The following RXYLT1 variants were observed in gnomAD, a reference collection of about 807,000 sequenced individuals.
The protein encoded by RXYLT1 is ribitol-5-phosphate xylosyltransferase 1.
RXYLT1 carries 41 observed loss-of-function variants against 43.5 expected under a neutral mutation model. The ratio of observed to expected loss-of-function variants is 0.94; its 90% CI spans 0.73 to 1.22. RXYLT1 has a LOEUF of 1.22. Ranked by LOEUF, RXYLT1 falls within the 50% of genes most tolerant of loss-of-function variation. The pLI, the probability that RXYLT1 is intolerant of heterozygous loss-of-function variation, is 0.00. For synonymous variants in RXYLT1, 166 were observed against 194.4 expected, an observed-to-expected ratio of 0.85 and a Z score of 1.21; for missense variants, 514 against 532.0, an observed-to-expected ratio of 0.97 and a Z score of 0.33.
chr12:63,785,470 T>C (rs1019336367), intron 3 of RXYLT1: 1 of 152,292 alleles, frequency 6.6e-6, no homozygotes, highest in African/African-American at 2.4e-5. Context: ...TTAAAATATT[T>C]AGGTGATATC....
Position 63,797,332 on chromosome 12 carries a change from G to A in RXYLT1, c.429-4759G>A, listed in dbSNP as rs138683357. Reference sequence around the variant, plus strand: ...ATATGCATACTCTACCATGTTTATTGTTATGGAAATACAGAAGAAAGGCAA... The same window carrying A: ...ATATGCATACTCTACCATGTTTATTATTATGGAAATACAGAAGAAAGGCAA... On this transcript the variant is annotated intron_variant, in intron 3 of 5. Coordinates refer to ENST00000261234, the MANE Select transcript of RXYLT1 (RefSeq NM_014254.3). 2.0e-5 allele frequency among the ~76,000 whole-genome samples: 3 copies of A among 151,804 alleles called. No individual in the cohort carries two copies. In the East Asian group the frequency reaches 5.8e-4, roughly 29 times the overall value.
intron 3 of RXYLT1, among the ~76,000 whole-genome samples, chr12:63,792,417 G>T (rs1897937104): frequency 6.6e-6 from 1 of 152,202 alleles, no homozygotes; most frequent in Non-Finnish European, 1.5e-5. Flanking sequence ...TCAACATAAA[G>T]AAATGAGAAA....
At chr12:63,780,517 C>A in intron 1 of RXYLT1, 1 of 1,050,206 alleles carries the variant, frequency 9.5e-7, no homozygotes, top group Non-Finnish European at 1.1e-6. Context: ...CCTGCAGTGA[C>A]CATAAGGCAG....
chr12:63,799,302 CTTTTT>C (rs11312130), intron 3 of RXYLT1, among the ~76,000 whole-genome samples: 4 of 71,634 alleles, frequency 5.6e-5, no homozygotes, highest in Admixed American at 3.4e-4. Flanking sequence ...CTTTTCTTTT[CTTTTT>C]TTTTTTTTTT....
intron 4 of RXYLT1, among the ~76,000 whole-genome samples, chr12:63,803,294 T>G (rs763645067): frequency 6.6e-6 from 1 of 151,606 alleles, no homozygotes; most frequent in Non-Finnish European, 1.5e-5. Flanking sequence ...TAAGAGCAAG[T>G]TGACTTTAAG....
At chr12:63,791,907 A>T (rs1897926323) in intron 3 of RXYLT1, among the ~76,000 whole-genome samples, 1 of 152,260 alleles carries the variant, frequency 6.6e-6, no homozygotes, top group Admixed American at 6.5e-5. Context: ...ATTATAACAA[A>T]TAACATCTAA....
intron 3 of RXYLT1, among the ~76,000 whole-genome samples, chr12:63,799,024 A>G: frequency 6.6e-6 from 1 of 152,198 alleles, no homozygotes; most frequent in Non-Finnish European, 1.5e-5. Context: ...AAAAATTTAC[A>G]GGAACACTAA....
chr12:63,788,995 C>T (rs1651169952), intron 3 of RXYLT1, among the ~76,000 whole-genome samples: 1 of 152,104 alleles, frequency 6.6e-6, no homozygotes, highest in South Asian at 2.1e-4. Context: ...CAGCCTGAAG[C>T]CATGGCTTTT....
chr12:63,784,864 G>A (rs1897765034), intron 2 of RXYLT1, 106 bp from the exon 3 acceptor site: 7 of 936,756 alleles, frequency 7.5e-6, no homozygotes, highest in Non-Finnish European at 1.1e-5. Flanking sequence ...AGGCATTCTG[G>A]TTTTATAGTC....
rs994326068 is a variant in RXYLT1, at chr12:63,779,909, C to T, written c.-52C>T. On this transcript the variant is annotated 5_prime_UTR_variant, in exon 1 of 6. Coordinates refer to ENST00000261234, the MANE Select transcript of RXYLT1 (RefSeq NM_014254.3). ...TCGGACGCCGCCGGTGTCGCGGATT[C>T]TCTTTCCGCCCGCTCCATGGCGGTG... 3.9e-5 allele frequency: 63 copies of T among 1,604,138 alleles called. No individual in the cohort carries two copies. Among genetic ancestry groups the T allele is most frequent in the Non-Finnish European group, 5.1e-5 (60 of 1,178,220 alleles).
At chr12:63,785,917 T>C (rs569810341) in intron 3 of RXYLT1, among the ~76,000 whole-genome samples, 31 of 152,250 alleles carry the variant, frequency 2.0e-4, no homozygotes, top group African/African-American at 7.0e-4. Flanking sequence ...ATTCTTTATT[T>C]ACTTTATATA....
rs1368363365 is a variant in RXYLT1 at position 63,781,121 on chromosome 12, C to G, written c.272C>G (p.Ser91Cys). Residue 91 changes from serine to cysteine, a missense_variant, in exon 2 of 6, where the codon TCC becomes TGC. Transcript: ENST00000261234. Reference protein sequence around the residue: ...FKTSLQILDKSTKGKTDLSVQ... With the variant: ...FKTSLQILDKCTKGKTDLSVQ... Reference sequence around the variant, plus strand: ...ACTAGCCTTCAAATATTAGATAAATCCACGAAAGGAAAAACAGATCTCAGT... The same window carrying G: ...ACTAGCCTTCAAATATTAGATAAATGCACGAAAGGAAAAACAGATCTCAGT... 2.5e-6 allele frequency: 4 copies of G among 1,607,024 alleles called. No homozygotes were observed. Among genetic ancestry groups the G allele is most frequent in the African/African-American group, 1.3e-5 (1 of 74,622 alleles).
intron 1 of RXYLT1, 104 bp downstream of exon 1, chr12:63,780,233 C>G: frequency 7.2e-7 from 1 of 1,387,520 alleles, no homozygotes; most frequent in Non-Finnish European, 9.2e-7. Context: ...CCGGGATTAC[C>G]CGCAGGGCCT....
chr12:63,805,166 G>A, intron 4 of RXYLT1, 68 bp from the exon 5 acceptor site: 1 of 1,275,376 alleles, frequency 7.8e-7, no homozygotes, highest in African/African-American at 1.5e-5. Flanking sequence ...CTACCTAAGA[G>A]ATTGGGTTAT....
intron 3 of RXYLT1, 28 bp from the exon 4 acceptor site, chr12:63,802,063 C>T (rs747104323): frequency 6.5e-7 from 1 of 1,540,674 alleles, no homozygotes; most frequent in Non-Finnish European, 8.7e-7. Context: ...TTGTTTGTCT[C>T]TTGTTTTTGT....
At chr12:63,803,020 A>G (rs1269523849) in intron 4 of RXYLT1, among the ~76,000 whole-genome samples, 1 of 150,984 alleles carries the variant, frequency 6.6e-6, no homozygotes, top group Admixed American at 6.6e-5. Context: ...AAAAAAAATC[A>G]AAAATTATCC....
In RXYLT1 at chr12:63,805,410, T is replaced by A. The variant is rs748809209; in HGVS notation, c.914+6T>A. 1.9e-6 allele frequency: 3 copies of A among 1,574,276 alleles called. No individual in the cohort carries two copies. The highest frequency in any genetic ancestry group is 2.6e-6 in the Non-Finnish European group (3 of 1,164,224). On this transcript the variant is annotated splice_donor_region_variant and intron_variant, in intron 5 of 5. Coordinates refer to ENST00000261234, the MANE Select transcript of RXYLT1 (RefSeq NM_014254.3). ...TGGGTTTCAGCAAGAGAACAGTAAG[T>A]TCTATGCTTATTTAATTCATTCATT...
Position 63,795,285 on chromosome 12 carries a change from AAAGAAGAAG to A in RXYLT1, c.429-6787_429-6779del, listed in dbSNP as rs33957381. ...GACAGTGAGACCCTGTGTCAAAAAA[AAAGAAGAAG>A]AAGAAGAAGAAGAAGAAGGGCCAGG... On this transcript the variant is annotated intron_variant, in intron 3 of 5. Transcript: ENST00000261234. Among the ~76,000 whole-genome samples, 1,203 of 150,166 alleles carry A rather than the reference AAAGAAGAAG, an allele frequency of 8.0e-3. 18 individuals carry two copies. The highest frequency in any genetic ancestry group is 0.026 in the African/African-American group (1,068 of 40,898).
rs1897678071 is a variant in RXYLT1 at position 63,781,274 on chromosome 12, A to G, written c.325+100A>G. The G allele has an allele frequency of 5.0e-6, 6 of 1,191,862 alleles. No individual in the cohort carries two copies. The South Asian group carries it at 1.2e-4, about 24-fold the overall frequency. The allele number at this position is 1,191,862 out of a possible 1,614,324, so 73.8% of individuals were successfully genotyped here. ...ATATAATTTATTTCATAATTTGTTAATTAAGGCATCATGATATATTTTTTC... is the reference window on the plus strand; with the variant it reads ...ATATAATTTATTTCATAATTTGTTAGTTAAGGCATCATGATATATTTTTTC... On this transcript the variant is annotated intron_variant, in intron 2 of 5. Transcript: ENST00000261234.
Sources: allele counts gnomAD v4.1 joint callset (sites outside exome capture counted in the v4.1 genomes callset), GRCh38; gene constraint gnomAD v4.1.1; transcripts MANE v1.5; gene names NCBI Gene and HGNC (gene_info 2026-07-23, HGNC 2026-07-21).